Variants in DNAH1 observed in about 807,000 individuals in gnomAD.
The protein encoded by DNAH1 is axonemal beta dynein heavy chain 1.
A neutral mutation model predicts 484.3 loss-of-function variants in DNAH1; 327 were observed. The ratio of observed to expected loss-of-function variants is 0.68; its 90% CI spans 0.62 to 0.74. The LOEUF is 0.74. Among genes scored for constraint, DNAH1 ranks in the 30% least tolerant of loss-of-function variants. The probability of loss-of-function intolerance (pLI) is 0.00; values close to 1 mark genes in which losing one functional copy is unlikely to be tolerated. For synonymous variants in DNAH1, 2,192 were observed against 2,191.9 expected, an observed-to-expected ratio of 1.00 and a Z score of 0.00; for missense variants, 5,052 against 5,546.8, an observed-to-expected ratio of 0.91 and a Z score of 2.83.
chr3:52,373,290 T>C (rs2153224827), intron 44 of DNAH1, among the ~76,000 whole-genome samples: 1 of 146,150 alleles, frequency 6.8e-6, no homozygotes, highest in African/African-American at 2.6e-5. Context: ...AGTGAATGTC[T>C]CAGTCCCCAG....
chr3:52,327,813 C>A, intron 5 of DNAH1, 69 bp from the exon 6 acceptor site: 1 of 1,582,056 alleles, frequency 6.3e-7, no homozygotes, highest in Non-Finnish European at 8.7e-7. Flanking sequence ...CATCCTTTGG[C>A]ACACCCAGTC....
rs1283198014 is a variant in DNAH1, at chr3:52,379,938, G to A, written c.7411G>A (p.Glu2471Lys). Reference protein sequence around the residue: ...QVQLLRLWYHENCRVFRDRLV... With the variant: ...QVQLLRLWYHKNCRVFRDRLV... ...GCAGCTGCTGCGACTGTGGTATCAC[G>A]AGAACTGCCGCGTGTTCCGGGACCG... The change falls in exon 48 of 78, where the codon GAG becomes AAG. Residue 2471 changes from glutamate (E) to lysine (K), a missense_variant. Physicochemically the swap from Glu to Lys is moderately conservative, Grantham distance 56. This residue lies in a region of DNAH1 where 2,929 missense variants were observed against 3,409.4 expected (regional missense o/e 0.86). Transcript: ENST00000420323. This position sits in a 1 kb window ranked among gnomAD's most constrained non-coding sequence, Gnocchi z 4.4. The A allele has an allele frequency of 2.5e-6, 4 of 1,574,464 alleles. No individual in the cohort carries two copies. Among genetic ancestry groups the A allele is most frequent in the Non-Finnish European group, 8.6e-7 (1 of 1,160,570 alleles).
chr3:52,374,021 G>T (rs897756379), intron 44 of DNAH1: 2 of 1,033,946 alleles, frequency 1.9e-6, no homozygotes, highest in Admixed American at 1.8e-5. Flanking sequence ...ATCTAATATA[G>T]CGAAGAAATA....
intron 6 of DNAH1, among the ~76,000 whole-genome samples, chr3:52,329,456 G>A (rs897168350): frequency 6.6e-6 from 1 of 152,180 alleles, no homozygotes; most frequent in Non-Finnish European, 1.5e-5. Flanking sequence ...GCTAGCTGGT[G>A]TCAACAGGTG....
intron 6 of DNAH1, among the ~76,000 whole-genome samples, chr3:52,330,324 G>T (rs942707703): frequency 6.6e-6 from 1 of 152,202 alleles, no homozygotes; most frequent in Admixed American, 6.5e-5. Flanking sequence ...AGGAGCTGAT[G>T]CATAAGTAGT....
chr3:52,342,865 A>G (rs1416207289), intron 8 of DNAH1, among the ~76,000 whole-genome samples: 3 of 152,230 alleles, frequency 2.0e-5, no homozygotes, highest in African/African-American at 7.2e-5. Flanking sequence ...GGATAAATGA[A>G]GGGAGAGAAC....
intron 36 of DNAH1, among the ~76,000 whole-genome samples, chr3:52,367,916 G>T (rs925665905): frequency 2.0e-5 from 3 of 152,222 alleles, no homozygotes; most frequent in African/African-American, 4.8e-5. Context: ...AACATATTCA[G>T]GAGCATGGCA....
Position 52,399,109 on chromosome 3 carries a change from T to C in DNAH1, c.12349T>C (p.Phe4117Leu), listed in dbSNP as rs148445833. ...CCCAGCTGTCTTCTGGATCAGTGGA[T>C]TCTTCTTCCCCCAGGCTTTCTTAAC... ...GIPAVFWISGFFFPQAFLTGT... is the reference protein window; with the variant it reads ...GIPAVFWISGLFFPQAFLTGT... Residue 4117 changes from phenylalanine to leucine, a missense_variant, in exon 76 of 78, where the codon TTC (phenylalanine) becomes CTC (leucine). By Grantham distance (22) the Phe-to-Leu change is conservative. Coordinates refer to ENST00000420323, the MANE Select transcript of DNAH1 (RefSeq NM_015512.5). 40 of 1,614,064 alleles carry C rather than the reference T, an allele frequency of 2.5e-5. No individual in the cohort carries two copies. The African/African-American group carries it at 3.9e-4, about 16-fold the overall frequency.
chr3:52,370,674 C>A, intron 40 of DNAH1, 39 bp downstream of exon 40: 1 of 1,599,224 alleles, frequency 6.3e-7, no homozygotes, highest in Non-Finnish European at 8.5e-7. Flanking sequence ...GAGCCTCAGT[C>A]CTACTGGGCC....
intron 34 of DNAH1, among the ~76,000 whole-genome samples, chr3:52,365,912 T>C (rs774959786): frequency 5.9e-5 from 9 of 152,186 alleles, no homozygotes; most frequent in Non-Finnish European, 1.3e-4. Context: ...ACCTTTGCCG[T>C]CCCTGGCTAA....
intron 1 of DNAH1, among the ~76,000 whole-genome samples, chr3:52,318,074 C>G (rs1299165280): frequency 6.6e-6 from 1 of 152,178 alleles, no homozygotes; most frequent in East Asian, 1.9e-4. Flanking sequence ...ATTTTTGAGA[C>G]GGAGTCTCGC....
intron 6 of DNAH1, among the ~76,000 whole-genome samples, chr3:52,328,503 T>C (rs1701433137): frequency 6.6e-6 from 1 of 152,216 alleles, no homozygotes; most frequent in Non-Finnish European, 1.5e-5. Flanking sequence ...CAACCTCTCT[T>C]GTGTACACAT....
intron 10 of DNAH1, among the ~76,000 whole-genome samples, 189 bp downstream of exon 10, chr3:52,345,895 G>C (rs1456101920): frequency 4.6e-5 from 7 of 152,172 alleles, no homozygotes; most frequent in Non-Finnish European, 1.0e-4. Flanking sequence ...GGGGACCAAG[G>C]GTAATGACTC....
At position 52,398,088 on chromosome 3, in the gene DNAH1, G is replaced by T; in HGVS notation, c.12015G>T (p.Leu4005Phe). ...ILLKVPEPIN[L>F]QWVMAKYPVL... ...TCAAGGTGCCTGAGCCTATCAACTT[G>T]CAATGGGTGATGGCCAAGTACCCAG... The change falls in exon 75 of 78, where the codon TTG (leucine) becomes TTT (phenylalanine). Residue 4005 changes from leucine to phenylalanine, a missense_variant. This residue lies in a region of DNAH1 where 853 missense variants were observed against 899.0 expected (regional missense o/e 0.95). Transcript: ENST00000420323. 1 of 1,613,922 alleles carries T rather than the reference G, an allele frequency of 6.2e-7. No individual in the cohort carries two copies. The highest frequency in any genetic ancestry group is 8.5e-7 in the Non-Finnish European group (1 of 1,179,882).
intron 66 of DNAH1, among the ~76,000 whole-genome samples, chr3:52,393,967 A>G (rs1446160307): frequency 6.6e-6 from 1 of 152,230 alleles, no homozygotes; most frequent in Non-Finnish European, 1.5e-5. Context: ...CTCAAGGTTC[A>G]AGAAGGCCAA....
Position 52,380,143 on chromosome 3 carries a change from G to T in DNAH1, c.7608+8G>T. ...ATCACCAGTGAGAGTAAGGTGAGGG[G>T]CCCAGGCAGGCGCCCTGCCCCTGGT... On this transcript the variant is annotated splice_region_variant and intron_variant, in intron 48 of 77. Transcript: ENST00000420323. 6.4e-7 allele frequency: 1 copy of T among 1,574,564 alleles called. No homozygotes were observed. Among genetic ancestry groups the T allele is most frequent in the Non-Finnish European group, 8.6e-7 (1 of 1,159,686 alleles).
Position 52,361,727 on chromosome 3 carries a change from G to A in DNAH1, c.4941G>A (p.Ala1647=), listed in dbSNP as rs369578432. ...RIDIEVLSVV[A]QQITTIQKAQ... is the part of the protein sequence containing the mutation. ...ACATCGAGGTGCTGTCTGTGGTGGC[G>A]CAGCAGATCACCACCATCCAGAAGG... The change falls in exon 30 of 78, where the codon GCG becomes GCA. Residue 1647 remains alanine (A), a synonymous_variant. Transcript: ENST00000420323. The surrounding 1 kb of genome is among the most constrained non-coding windows in gnomAD (Gnocchi z 5.6). The A allele has an allele frequency of 1.6e-3, 2,534 of 1,610,794 alleles. 3 individuals carry two copies. The highest frequency in any genetic ancestry group is 2.0e-3 in the Non-Finnish European group (2,405 of 1,178,684).
intron 75 of DNAH1, 98 bp downstream of exon 75, chr3:52,398,260 C>T (rs1277567109): frequency 1.4e-6 from 2 of 1,407,498 alleles, no homozygotes; most frequent in South Asian, 1.4e-5. Context: ...ATGCCAAGTG[C>T]TACACATCCT....
chr3:52,394,230 C>T (rs940408285), intron 66 of DNAH1, among the ~76,000 whole-genome samples: 12 of 152,234 alleles, frequency 7.9e-5, no homozygotes, highest in African/African-American at 2.9e-4. Flanking sequence ...CTGATTCTTT[C>T]TACTCCCAAA....
Sources: allele counts gnomAD v4.1 joint callset (sites outside exome capture counted in the v4.1 genomes callset), GRCh38; gene constraint gnomAD v4.1.1; regional missense constraint gnomAD v4.1.1; non-coding constraint Gnocchi (gnomAD v3.1); transcripts MANE v1.5; gene names NCBI Gene and HGNC (gene_info 2026-07-23, HGNC 2026-07-21).